GRB10: variants seen among roughly 807,000 people sequenced by gnomAD.
GRB10 encodes the protein growth factor receptor bound protein 10, also known as growth factor receptor-bound protein 10.
A neutral mutation model predicts 80.9 loss-of-function variants in GRB10; 20 were observed. That is an observed-to-expected ratio of 0.25 (90% confidence interval 0.17 to 0.36). The LOEUF is 0.36. Among genes scored for constraint, GRB10 ranks in the 10% least tolerant of loss-of-function variants. The probability of loss-of-function intolerance (pLI) is 1.00; values close to 1 mark genes in which losing one functional copy is unlikely to be tolerated. For missense variants in GRB10, 548 were observed against 747.7 expected (o/e 0.73, Z 3.12); for synonymous variants, 291 against 291.5 (o/e 1.00, Z 0.02).
chr7:50,608,339 G>A (rs930567647), intron 13 of GRB10, among the ~76,000 whole-genome samples: 2 of 152,146 alleles, frequency 1.3e-5, no homozygotes, highest in East Asian at 3.9e-4. Flanking sequence ...GAGAATAACC[G>A]CTAACCTTGC....
intron 12 of GRB10, among the ~76,000 whole-genome samples, chr7:50,614,187 T>G (rs1010387809): frequency 6.6e-6 from 1 of 152,228 alleles, no homozygotes; most frequent in Non-Finnish European, 1.5e-5. Flanking sequence ...TGTATGTGTA[T>G]GCACAAAGGT....
At chr7:50,731,172 C>T (rs1388392604) in intron 4 of GRB10, among the ~76,000 whole-genome samples, 4 of 152,198 alleles carry the variant, frequency 2.6e-5, no homozygotes, top group Non-Finnish European at 4.4e-5. Context: ...CACCACCAAA[C>T]TTTGCAGTTC....
chr7:50,762,843 C>T lies in GRB10; in HGVS notation c.-216-6787G>A, dbSNP rs991548182. Among the ~76,000 whole-genome samples, 7 of 152,310 alleles carry T rather than the reference C, an allele frequency of 4.6e-5. No individual in the cohort carries two copies. The South Asian group carries it at 6.2e-4, about 14-fold the overall frequency. ...AAAGACAGGCAAAAAGCCGGCGGGG[C>T]GCAGTGGCTCACGCCTGTAATCCCT... On this transcript the variant is annotated intron_variant, in intron 2 of 18. Coordinates refer to ENST00000401949, the MANE Select transcript of GRB10 (RefSeq NM_001350814.2).
intron 5 of GRB10, among the ~76,000 whole-genome samples, chr7:50,686,692 C>A (rs1278808698): frequency 6.6e-6 from 1 of 152,118 alleles, no homozygotes; most frequent in Non-Finnish European, 1.5e-5. Context: ...TGAGCACCTG[C>A]AAGGTACCAG....
At chr7:50,712,413 C>T (rs1319902483) in intron 4 of GRB10, among the ~76,000 whole-genome samples, 1 of 152,180 alleles carries the variant, frequency 6.6e-6, no homozygotes, top group African/African-American at 2.4e-5. Flanking sequence ...CCAGGTGTCT[C>T]GTATCAAGGA....
intron 17 of GRB10, among the ~76,000 whole-genome samples, chr7:50,598,691 T>A (rs2047063425): frequency 1.3e-5 from 2 of 152,214 alleles, no homozygotes; most frequent in African/African-American, 4.8e-5. Context: ...GAGGAGTTCC[T>A]GGTTCAGCAG....
At chr7:50,652,195 T>A (rs764120626) in intron 7 of GRB10, among the ~76,000 whole-genome samples, 2 of 152,180 alleles carry the variant, frequency 1.3e-5, no homozygotes, top group African/African-American at 2.4e-5. Flanking sequence ...AAGAACTCCA[T>A]CTATAAAAGT....
At chr7:50,705,331 AAAC>A in intron 4 of GRB10, 5 of 982,894 alleles carry the variant, frequency 5.1e-6, no homozygotes, top group Non-Finnish European at 6.0e-6. Context: ...TATCTGGAGA[AAAC>A]AAAATAAAAC....
chr7:50,639,942 A>C (rs2055901399), intron 7 of GRB10, among the ~76,000 whole-genome samples: 2 of 152,238 alleles, frequency 1.3e-5, no homozygotes, highest in African/African-American at 4.8e-5. Flanking sequence ...GTCAAAAATA[A>C]AATTGAAAAC....
chr7:50,637,180 C>A (rs535648409), intron 7 of GRB10, among the ~76,000 whole-genome samples: 1 of 152,166 alleles, frequency 6.6e-6, no homozygotes, highest in South Asian at 2.1e-4. Context: ...TCTCACTATA[C>A]TGTCCAGGCT....
intron 3 of GRB10, among the ~76,000 whole-genome samples, chr7:50,736,948 G>A (rs2070898190): frequency 6.6e-6 from 1 of 152,094 alleles, no homozygotes; most frequent in Admixed American, 6.5e-5. Flanking sequence ...TAGAAGTAAA[G>A]ACAGGGAAAA....
intron 4 of GRB10, among the ~76,000 whole-genome samples, chr7:50,704,474 A>G (rs1000495819): frequency 6.6e-6 from 1 of 152,224 alleles, no homozygotes; most frequent in African/African-American, 2.4e-5. Flanking sequence ...CCAGAAGCCA[A>G]TGAAAGATAC....
chr7:50,613,248 A>C (rs540829178), intron 12 of GRB10, among the ~76,000 whole-genome samples: 2 of 152,200 alleles, frequency 1.3e-5, no homozygotes, highest in African/African-American at 4.8e-5. Context: ...AGAGATCTTA[A>C]AGTTGCCCCC....
chr7:50,744,035 A>G (rs1431381589), intron 3 of GRB10, among the ~76,000 whole-genome samples: 1 of 152,144 alleles, frequency 6.6e-6, no homozygotes, highest in African/African-American at 2.4e-5. Context: ...CCACCTCCAC[A>G]TGCAGCCTTC....
At chr7:50,645,731 G>C (rs1354765439) in intron 7 of GRB10, 2 of 529,852 alleles carry the variant, frequency 3.8e-6, no homozygotes, top group Non-Finnish European at 4.8e-6. Flanking sequence ...ACATCGTCTA[G>C]AGTTTCTTGA....
At chr7:50,719,183 C>A (rs1038633421) in intron 4 of GRB10, among the ~76,000 whole-genome samples, 3 of 152,124 alleles carry the variant, frequency 2.0e-5, no homozygotes, top group African/African-American at 7.2e-5. Flanking sequence ...ATAAACGGGG[C>A]GGAGACTGCA....
At chr7:50,753,116 C>T (rs2153702068) in intron 3 of GRB10, among the ~76,000 whole-genome samples, 1 of 152,282 alleles carries the variant, frequency 6.6e-6, no homozygotes, top group South Asian at 2.1e-4. Context: ...TGCCATGGCC[C>T]GTCACTATAG....
intron 5 of GRB10, among the ~76,000 whole-genome samples, chr7:50,688,474 T>A (rs2062374959): frequency 6.6e-6 from 1 of 152,026 alleles, no homozygotes; most frequent in African/African-American, 2.4e-5. Context: ...GAGAGAAACT[T>A]AAACACTCAA....
intron 8 of GRB10, among the ~76,000 whole-genome samples, chr7:50,620,821 A>T (rs2051575943): frequency 6.6e-6 from 1 of 152,236 alleles, no homozygotes; most frequent in Non-Finnish European, 1.5e-5. Flanking sequence ...TTGAAAATGG[A>T]TTTTCCAGAA....
Sources: allele counts gnomAD v4.1 joint callset (sites outside exome capture counted in the v4.1 genomes callset), GRCh38; gene constraint gnomAD v4.1.1; transcripts MANE v1.5; gene names NCBI Gene and HGNC (gene_info 2026-07-23, HGNC 2026-07-21).